KAZN: variants seen among roughly 807,000 people sequenced by gnomAD.
KAZN encodes kazrin.
A neutral mutation model predicts 87.4 loss-of-function variants in KAZN; 40 were observed. The ratio of observed to expected loss-of-function variants is 0.46; its 90% CI spans 0.36 to 0.60. KAZN has a LOEUF of 0.60. Ranked by LOEUF, KAZN falls within the 20% of genes least tolerant of loss-of-function variation. The pLI, the probability that KAZN is intolerant of heterozygous loss-of-function variation, is 0.00. For missense variants in KAZN, 898 were observed against 1,073.9 expected (o/e 0.84, Z 2.29); for synonymous variants, 466 against 458.3 (o/e 1.02, Z -0.22).
chr1:14,023,669 G>A (rs1242623107), intron 1 of KAZN, among the ~76,000 whole-genome samples: 2 of 152,106 alleles, frequency 1.3e-5, no homozygotes, highest in African/African-American at 4.8e-5. Flanking sequence ...GAAAATCAAG[G>A]AACGGTAAAC....
intron 1 of KAZN, among the ~76,000 whole-genome samples, chr1:14,059,615 C>T (rs551104832): frequency 6.6e-6 from 1 of 152,202 alleles, no homozygotes; most frequent in Non-Finnish European, 1.5e-5. Flanking sequence ...TACAGACACA[C>T]CCAGTAACTA....
chr1:14,018,038 G>A lies in KAZN; in HGVS notation c.91+124282G>A, dbSNP rs112940995. The stretch of plus-strand genomic sequence containing the variant: ...CATTTAAGCCTCAACACTTCCCTAT[G>A]ATTAAATTATTATCCCCATTTGGCA... On this transcript the variant is annotated intron_variant, in intron 1 of 16. Coordinates refer to the KAZN transcript ENST00000636203. Among the ~76,000 whole-genome samples the A allele has an allele frequency of 4.2e-3, 646 of 152,246 alleles. 6 individuals carry two copies. Among genetic ancestry groups the A allele is most frequent in the African/African-American group, 0.015 (615 of 41,552 alleles).
At chr1:14,441,472 C>A (rs535549481) in intron 2 of KAZN, among the ~76,000 whole-genome samples, 1 of 152,262 alleles carries the variant, frequency 6.6e-6, no homozygotes, top group East Asian at 1.9e-4. Flanking sequence ...GGGCGTGAGG[C>A]CAGCGACATT....
intron 2 of KAZN, among the ~76,000 whole-genome samples, chr1:14,315,809 T>A (rs145465245): frequency 6.6e-6 from 1 of 152,218 alleles, no homozygotes; most frequent in Non-Finnish European, 1.5e-5. Flanking sequence ...TGGTAATTAA[T>A]ATTAGGGTTG....
chr1:14,248,669 T>G (rs1649734135), intron 2 of KAZN, among the ~76,000 whole-genome samples: 1 of 152,238 alleles, frequency 6.6e-6, no homozygotes, highest in Admixed American at 6.5e-5. Flanking sequence ...GAGAATACAG[T>G]GCTACCTGTG....
intron 1 of KAZN, among the ~76,000 whole-genome samples, chr1:14,106,343 G>T (rs1361750281): frequency 6.6e-6 from 1 of 152,212 alleles, no homozygotes. Flanking sequence ...GTGGGAGGCA[G>T]GATTCTGCCA....
chr1:14,096,543 T>G (rs988532263), intron 1 of KAZN, among the ~76,000 whole-genome samples: 1 of 152,222 alleles, frequency 6.6e-6, no homozygotes, highest in African/African-American at 2.4e-5. Context: ...AGTCAGAGCA[T>G]GAAGGAGAAT....
chr1:14,730,028 C>G (rs914288196), intron 1 of KAZN, among the ~76,000 whole-genome samples: 1 of 152,092 alleles, frequency 6.6e-6, no homozygotes, highest in South Asian at 2.1e-4. Flanking sequence ...CTGCAAAGCC[C>G]CAAATTTTTA....
chr1:14,552,936 G>C (rs1207337156), intron 2 of KAZN, among the ~76,000 whole-genome samples: 1 of 152,130 alleles, frequency 6.6e-6, no homozygotes, highest in Non-Finnish European at 1.5e-5. Flanking sequence ...ACTATGATGG[G>C]CTACAGCGGA....
At chr1:14,406,148 C>A (rs7537307) in intron 2 of KAZN, among the ~76,000 whole-genome samples, 6,915 of 152,178 alleles carry the variant, frequency 0.045, 542 homozygotes, top group African/African-American at 0.16. Context: ...GGGATGGATA[C>A]CCCATTCTCC....
At chr1:14,753,279 A>G (rs1644464201) in intron 1 of KAZN, among the ~76,000 whole-genome samples, 1 of 152,196 alleles carries the variant, frequency 6.6e-6, no homozygotes, top group African/African-American at 2.4e-5. Flanking sequence ...ATTTGGTTAT[A>G]TAAATAAGTT....
intron 2 of KAZN, among the ~76,000 whole-genome samples, chr1:14,389,564 T>C (rs1662243681): frequency 6.6e-6 from 1 of 152,176 alleles, no homozygotes; most frequent in Admixed American, 6.5e-5. Flanking sequence ...TGGATGAAAC[T>C]GGAGGCCATT....
At chr1:14,997,734 G>A (rs1460447837) in intron 2 of KAZN, among the ~76,000 whole-genome samples, 1 of 152,138 alleles carries the variant, frequency 6.6e-6, no homozygotes, top group East Asian at 1.9e-4. Context: ...GCTGGGAGTT[G>A]GCAGCAGGGT....
chr1:13,942,465 G>A (rs12131779), intron 1 of KAZN, among the ~76,000 whole-genome samples: 14,138 of 143,108 alleles, frequency 0.099, 888 homozygotes, highest in South Asian at 0.22. Flanking sequence ...GCGTGAACCC[G>A]GGAAGCGGAG....
intron 2 of KAZN, among the ~76,000 whole-genome samples, chr1:14,220,977 A>G (rs1647083471): frequency 6.6e-6 from 1 of 152,166 alleles, no homozygotes; most frequent in African/African-American, 2.4e-5. Context: ...CTGCTTGTTC[A>G]TCCCACAAGC....
intron 5 of KAZN, among the ~76,000 whole-genome samples, chr1:15,058,537 C>G (rs918839001): frequency 6.6e-6 from 1 of 152,214 alleles, no homozygotes. Flanking sequence ...GAGCAACCTG[C>G]TGGGGACTTG....
chr1:14,296,629 C>CT (rs775666706), intron 2 of KAZN, among the ~76,000 whole-genome samples: 36,807 of 83,046 alleles, frequency 0.44, 8,362 homozygotes, highest in Non-Finnish European at 0.48. Flanking sequence ...TTTTGTATTT[C>CT]TTTTTTTTTT....
intron 1 of KAZN, among the ~76,000 whole-genome samples, chr1:14,855,454 A>G (rs1364502039): frequency 2.0e-5 from 3 of 152,162 alleles, no homozygotes; most frequent in Admixed American, 2.0e-4. Flanking sequence ...TTAAAAGCCT[A>G]TGCGCCTCAT....
At chr1:14,851,107 G>A (rs1027574715) in intron 1 of KAZN, among the ~76,000 whole-genome samples, 3 of 152,166 alleles carry the variant, frequency 2.0e-5, no homozygotes, top group South Asian at 2.1e-4. Context: ...AGTCCTTGGC[G>A]TTAATCCCTT....
Sources: gnomAD v4.1 joint callset for allele counts (sites outside exome capture counted in the v4.1 genomes callset) on GRCh38, gnomAD v4.1.1 for gene constraint, MANE v1.5 for transcripts, NCBI Gene and HGNC (gene_info 2026-07-23, HGNC 2026-07-21) for gene names.